CCSER1: variants seen among roughly 807,000 people sequenced by gnomAD.
CCSER1 encodes the protein coiled-coil serine rich protein 1, also known as serine-rich coiled-coil domain-containing protein 1.
CCSER1 carries 41 observed loss-of-function variants against 82.0 expected under a neutral mutation model. The observed-to-expected ratio is 0.50, with a 90% CI of 0.39 to 0.65. The LOEUF (loss-of-function observed/expected upper bound fraction) is 0.65, where lower values mean the gene tolerates loss of function less well. CCSER1 is among the 30% of genes least tolerant of loss of function. The pLI, the probability that CCSER1 is intolerant of heterozygous loss-of-function variation, is 0.00. For synonymous variants in CCSER1, 414 were observed against 383.9 expected (o/e 1.08, Z -0.92); for missense variants, 1,119 against 1,064.2 (o/e 1.05, Z -0.72).
At chr4:91,276,841 T>C (rs1247760230) in intron 10 of CCSER1, among the ~76,000 whole-genome samples, 1 of 144,286 alleles carries the variant, frequency 6.9e-6, no homozygotes, top group Non-Finnish European at 1.5e-5. Context: ...TATAAGGCAG[T>C]TTTTTTGAGT....
At chr4:91,192,428 G>A (rs1398794972) in intron 10 of CCSER1, among the ~76,000 whole-genome samples, 2 of 152,162 alleles carry the variant, frequency 1.3e-5, no homozygotes, top group Non-Finnish European at 2.9e-5. Flanking sequence ...TCGATTGAAT[G>A]TACCCTTGAG....
intron 10 of CCSER1, among the ~76,000 whole-genome samples, chr4:91,527,895 T>C (rs1478489723): frequency 1.3e-5 from 2 of 152,142 alleles, no homozygotes; most frequent in East Asian, 3.8e-4. Flanking sequence ...CAGCTTATTT[T>C]ACAAGTGCTA....
chr4:91,412,347 C>T (rs549195158), intron 10 of CCSER1, among the ~76,000 whole-genome samples: 4 of 151,962 alleles, frequency 2.6e-5, no homozygotes, highest in Admixed American at 1.3e-4. Context: ...CTGTAAGACA[C>T]AGCTCCAACC....
chr4:91,348,064 G>A lies in CCSER1; in HGVS notation c.2218-250508G>A, dbSNP rs1321061715. On this transcript the variant is annotated intron_variant, in intron 10 of 10. Coordinates refer to ENST00000509176, the MANE Select transcript of CCSER1 (RefSeq NM_001145065.2). ...CCTTGCCTTGTTCCTGATATTAGCA[G>A]GAAAAGCATATAGTTTTTCACTGTT... Among the ~76,000 whole-genome samples the A allele has an allele frequency of 2.0e-5, 3 of 151,968 alleles. No homozygotes were observed. The East Asian group carries it at 5.8e-4, about 29-fold the overall frequency.
intron 6 of CCSER1, among the ~76,000 whole-genome samples, chr4:90,704,740 A>T (rs1210344110): frequency 6.6e-6 from 1 of 152,152 alleles, no homozygotes; most frequent in Non-Finnish European, 1.5e-5. Context: ...TTAATCACTG[A>T]TACCATTTCT....
intron 9 of CCSER1, among the ~76,000 whole-genome samples, chr4:90,964,309 G>A (rs1419088576): frequency 6.6e-6 from 1 of 152,048 alleles, no homozygotes; most frequent in Non-Finnish European, 1.5e-5. Context: ...TAACAGATAT[G>A]TATTTTTAAC....
chr4:90,338,500 C>G (rs1420244366), intron 3 of CCSER1, among the ~76,000 whole-genome samples: 3 of 152,152 alleles, frequency 2.0e-5, no homozygotes, highest in African/African-American at 7.2e-5. Flanking sequence ...ATGTCATCTT[C>G]TGTTGTGAAA....
chr4:91,325,875 T>C (rs1746523459), intron 10 of CCSER1, among the ~76,000 whole-genome samples: 1 of 152,212 alleles, frequency 6.6e-6, no homozygotes, highest in African/African-American at 2.4e-5. Context: ...AAAGATTAGT[T>C]TTAGTTTGAG....
chr4:90,436,518 C>A (rs1462240665), intron 4 of CCSER1, among the ~76,000 whole-genome samples: 2 of 152,024 alleles, frequency 1.3e-5, no homozygotes, highest in Non-Finnish European at 2.9e-5. Context: ...AAGCTTACAG[C>A]TAGAAGGAAA....
chr4:91,319,181 A>C lies in CCSER1; in HGVS notation c.2217+233187A>C, dbSNP rs754645232. Reference sequence around the variant, plus strand: ...AGATGATGCATAAGTTTACATGAAGAATGCTAAAAAGAATAGAGTATCACC... The same window carrying C: ...AGATGATGCATAAGTTTACATGAAGCATGCTAAAAAGAATAGAGTATCACC... On this transcript the variant is annotated intron_variant, in intron 10 of 10. Transcript: ENST00000509176. 8 of 205,444 alleles carry C rather than the reference A, an allele frequency of 3.9e-5. No homozygotes were observed. The South Asian group carries it at 4.9e-4, about 12-fold the overall frequency. The allele number at this position is 205,444 out of a possible 1,614,324, so 12.7% of individuals were successfully genotyped here.
At chr4:91,121,423 T>G (rs978807774) in intron 10 of CCSER1, among the ~76,000 whole-genome samples, 1 of 151,820 alleles carries the variant, frequency 6.6e-6, no homozygotes, top group South Asian at 2.1e-4. Flanking sequence ...GGAAAAGAAG[T>G]TGTCTAAGAG....
At chr4:90,624,467 T>C (rs1381883637) in intron 5 of CCSER1, among the ~76,000 whole-genome samples, 1 of 152,208 alleles carries the variant, frequency 6.6e-6, no homozygotes, top group Non-Finnish European at 1.5e-5. Flanking sequence ...AGTTTCCCTG[T>C]AGTTTGTGTC....
chr4:91,037,801 A>G (rs1349373168), intron 9 of CCSER1, among the ~76,000 whole-genome samples: 1 of 151,936 alleles, frequency 6.6e-6, no homozygotes, highest in Non-Finnish European at 1.5e-5. Flanking sequence ...TATTTAATAA[A>G]TAACTACAGA....
intron 10 of CCSER1, among the ~76,000 whole-genome samples, chr4:91,255,982 A>G (rs182031907): frequency 1.3e-3 from 199 of 152,346 alleles, no homozygotes; most frequent in Non-Finnish European, 1.4e-3. Flanking sequence ...TTCAGGGAAC[A>G]AGGGAGATAA....
intron 8 of CCSER1, among the ~76,000 whole-genome samples, chr4:90,866,931 A>G (rs1266982609): frequency 6.6e-6 from 1 of 152,052 alleles, no homozygotes; most frequent in Non-Finnish European, 1.5e-5. Context: ...CTGATTTGAC[A>G]GGAAGCAGAG....
At chr4:91,443,566 A>C (rs979946030) in intron 10 of CCSER1, among the ~76,000 whole-genome samples, 1 of 150,612 alleles carries the variant, frequency 6.6e-6, no homozygotes, top group Admixed American at 6.6e-5. Flanking sequence ...ATGATGAGTT[A>C]ATGGGTGCAG....
At chr4:90,687,445 AT>A (rs965950550) in intron 6 of CCSER1, among the ~76,000 whole-genome samples, 34 of 148,912 alleles carry the variant, frequency 2.3e-4, no homozygotes, top group South Asian at 6.4e-4. Context: ...GATTTCAACC[AT>A]TTTTTTTTTC....
At chr4:90,149,895 G>A (rs138790639) in intron 1 of CCSER1, among the ~76,000 whole-genome samples, 41 of 152,186 alleles carry the variant, frequency 2.7e-4, no homozygotes, top group Non-Finnish European at 7.4e-5. Context: ...GTTTTTTGGA[G>A]TAAAATAATA....
intron 9 of CCSER1, among the ~76,000 whole-genome samples, chr4:91,028,246 A>G (rs1193903478): frequency 2.0e-5 from 3 of 151,972 alleles, no homozygotes; most frequent in Non-Finnish European, 4.4e-5. Context: ...TTAACATTTC[A>G]TATACTTATC....
Sources: gnomAD v4.1 joint callset for allele counts (sites outside exome capture counted in the v4.1 genomes callset) on GRCh38, gnomAD v4.1.1 for gene constraint, MANE v1.5 for transcripts, NCBI Gene and HGNC (gene_info 2026-07-23, HGNC 2026-07-21) for gene names.